Variants in PARP4 observed in about 807,000 individuals in gnomAD.
PARP4 encodes the protein poly(ADP-ribose) polymerase family member 4, also known as protein mono-ADP-ribosyltransferase PARP4.
Under a neutral mutation model 187.7 loss-of-function variants are expected in PARP4, and 120 were observed. The ratio of observed to expected loss-of-function variants is 0.64; its 90% CI spans 0.55 to 0.74. The LOEUF (loss-of-function observed/expected upper bound fraction) is 0.74. Ranked by LOEUF, PARP4 falls within the 30% of genes least tolerant of loss-of-function variation. The probability of loss-of-function intolerance (pLI) is 0.00; values close to 1 mark genes in which losing one functional copy is unlikely to be tolerated. For missense variants in PARP4, 1,836 were observed against 2,070.5 expected (o/e 0.89, Z 2.20); for synonymous variants, 654 against 740.9 (o/e 0.88, Z 1.90).
intron 15 of PARP4, 70 bp downstream of exon 15, chr13:24,475,402 C>A: frequency 1.4e-6 from 2 of 1,400,876 alleles, no homozygotes; most frequent in South Asian, 1.2e-5. Flanking sequence ...GTTCATGCAA[C>A]TGCAATCAAA....
chr13:24,451,011 G>A (rs1453893930), intron 24 of PARP4, among the ~76,000 whole-genome samples: 1 of 152,198 alleles, frequency 6.6e-6, no homozygotes, highest in African/African-American at 2.4e-5. Context: ...AAAGTGCTGG[G>A]ACCACAGGAG....
chr13:24,456,379 T>C lies in PARP4; in HGVS notation c.2524A>G (p.Arg842Gly). Residue 842 changes from arginine to glycine, a missense_variant, in exon 21 of 34, where the codon AGA becomes GGA. Around this residue, in one of 8 missense-constraint regions of PARP4, gnomAD observed 1,147 missense variants for 1,214.2 expected, o/e 0.94. Coordinates refer to ENST00000381989, the MANE Select transcript of PARP4 (RefSeq NM_006437.4). ...TCTGGATGTTTTTCAACCCACATTC[T>C]TGGGAGATAGGCAGCAGACAAACCG... is the stretch of plus-strand genomic sequence containing the variant. ...HIGLSAAYLP[R>G]MWVEKHPEKE... The C allele has an allele frequency of 6.2e-7, 1 of 1,611,892 alleles. No homozygotes were observed.
chr13:24,452,962 T>C (rs1188729994), intron 23 of PARP4, among the ~76,000 whole-genome samples: 1 of 151,904 alleles, frequency 6.6e-6, no homozygotes, highest in Non-Finnish European at 1.5e-5. Flanking sequence ...TGAGATGGAG[T>C]CTCGCTCCAT....
chr13:24,493,599 G>T lies in PARP4; in HGVS notation c.876C>A (p.Asn292Lys). Residue 292 changes from asparagine (N) to lysine (K), a missense_variant, in exon 8 of 34, where the codon AAC becomes AAA. Physicochemically the swap from Asn to Lys is moderately conservative, Grantham distance 94. Transcript: ENST00000381989. ...TTTCAGCGACACACCAACTTACATC[G>T]TTGAGGCTAATCCTGTTCACTGGCT... is the stretch of plus-strand genomic sequence containing the variant. ...LLKPVNRISL[N>K]DVSKAEGILL... is the part of the protein sequence containing the mutation. 1 of 1,599,888 alleles carries T rather than the reference G, an allele frequency of 6.3e-7. No homozygotes were observed. The highest frequency in any genetic ancestry group is 8.5e-7 in the Non-Finnish European group (1 of 1,176,610).
At chr13:24,478,375 C>T (rs1377310824) in intron 12 of PARP4, 99 bp from the exon 13 acceptor site, 1 of 694,722 alleles carries the variant, frequency 1.4e-6, no homozygotes. Context: ...TCTAAATTTT[C>T]CTATTATTGA....
At chr13:24,506,004 A>T (rs1003191723) in intron 1 of PARP4, among the ~76,000 whole-genome samples, 1 of 151,590 alleles carries the variant, frequency 6.6e-6, no homozygotes, top group Non-Finnish European at 1.5e-5. Context: ...TTCACCTCCC[A>T]CTCCTACAGG....
chr13:24,483,128 T>C (rs1566012904), intron 12 of PARP4, among the ~76,000 whole-genome samples: 1 of 152,106 alleles, frequency 6.6e-6, no homozygotes, highest in Non-Finnish European at 1.5e-5. Context: ...CAAGCAGTCC[T>C]CCTGCCTCAG....
rs745575943 is a variant in PARP4, at chr13:24,435,434, G to C, written c.3707C>G (p.Ser1236Cys). 6 of 1,608,836 alleles carry C rather than the reference G, an allele frequency of 3.7e-6. No homozygotes were observed. In the South Asian group the frequency reaches 5.5e-5, roughly 15 times the overall value. Reference protein sequence around the residue: ...ASSEWPELRLSKRKHRKIPFS... With the variant: ...ASSEWPELRLCKRKHRKIPFS... ...TGGAATTTTCCTATGTTTTCGTTTG[G>C]ATAAACGTAATTCTGGCCACTCAGA... is the stretch of plus-strand genomic sequence containing the variant. The change falls in exon 31 of 34, where the codon TCC becomes TGC. Residue 1236 changes from serine (S) to cysteine (C), a missense_variant. Ser to Cys is a moderately radical substitution (Grantham distance 112, BLOSUM62 -1). Transcript: ENST00000381989.
chr13:24,498,133 G>A lies in PARP4; in HGVS notation c.574C>T (p.Leu192=), dbSNP rs765677515. ...AGCATTACCTCCATGCCATCATCCAGGAGGAAGTGTGAGGATATCAGGAAA... is the reference window on the plus strand; with the variant it reads ...AGCATTACCTCCATGCCATCATCCAAGAGGAAGTGTGAGGATATCAGGAAA... ...CPFLISSHFL[L]DDGMETRRQF... The change falls in exon 6 of 34, where the codon CTG becomes TTG. Residue 192 remains leucine, a synonymous_variant. Coordinates refer to ENST00000381989, the MANE Select transcript of PARP4 (RefSeq NM_006437.4). 1.2e-6 allele frequency: 2 copies of A among 1,611,486 alleles called. No homozygotes were observed. Among genetic ancestry groups the A allele is most frequent in the East Asian group, 2.2e-5 (1 of 44,862 alleles).
Position 24,447,097 on chromosome 13 carries a change from G to T in PARP4, c.3204C>A (p.Ala1068=), listed in dbSNP as rs748310142. 6.9e-5 allele frequency: 112 copies of T among 1,612,884 alleles called. No homozygotes were observed. Among genetic ancestry groups the T allele is most frequent in the Non-Finnish European group, 9.2e-5 (109 of 1,179,284 alleles). ...ACGGCACCTGGGCTGGGGCCTGCAG[G>T]GCCTCGGGCACATCTGGATTGAGTT... ...WQQLNPDVPE[A]LQAPAQVPSL... The change falls in exon 26 of 34, where the codon GCC becomes GCA. Residue 1068 remains alanine, a synonymous_variant. Coordinates refer to ENST00000381989, the MANE Select transcript of PARP4 (RefSeq NM_006437.4).
intron 1 of PARP4, among the ~76,000 whole-genome samples, chr13:24,509,503 C>CAA (rs753520993): frequency 5.5e-4 from 59 of 107,540 alleles, no homozygotes; most frequent in African/African-American, 2.1e-3. Flanking sequence ...GACCCTATCT[C>CAA]AAAAAAAAAA....
At chr13:24,472,565 T>C (rs1161464449) in intron 15 of PARP4, among the ~76,000 whole-genome samples, 2 of 152,178 alleles carry the variant, frequency 1.3e-5, no homozygotes, top group East Asian at 3.9e-4. Context: ...TTCAATGCAA[T>C]CTTCAGAGTC....
intron 9 of PARP4, 72 bp from the exon 10 acceptor site, chr13:24,490,900 C>A: frequency 7.6e-7 from 1 of 1,316,308 alleles, no homozygotes; most frequent in South Asian, 1.3e-5. Context: ...CACATTAACA[C>A]TTTCTCAAAA....
At chr13:24,489,368 G>A (rs539444461) in intron 10 of PARP4, among the ~76,000 whole-genome samples, 1 of 152,292 alleles carries the variant, frequency 6.6e-6, no homozygotes, top group Admixed American at 6.5e-5. Context: ...CCAGCACTTT[G>A]GGAGGCCGAG....
At chr13:24,457,793 A>AAAAAAAAAAAAAAAAAAAG (rs1566000254) in intron 20 of PARP4, among the ~76,000 whole-genome samples, 1 of 148,512 alleles carries the variant, frequency 6.7e-6, no homozygotes, top group African/African-American at 2.5e-5. Flanking sequence ...AAAAAAAAAA[A>AAAAAAAAAAAAAAAAAAAG]AAAGAAAAAA....
In PARP4 at chr13:24,426,496, A is replaced by G; in HGVS notation, c.4949T>C (p.Leu1650Pro). 1 of 1,611,894 alleles carries G rather than the reference A, an allele frequency of 6.2e-7. No individual in the cohort carries two copies. Among genetic ancestry groups the G allele is most frequent in the Non-Finnish European group, 8.5e-7 (1 of 1,178,802 alleles). Residue 1650 changes from leucine (L) to proline (P), a missense_variant, in exon 33 of 34, where the codon CTG becomes CCG. Physicochemically the swap from Leu to Pro is moderately conservative, Grantham distance 98. This residue lies in a region of PARP4 where 45 missense variants were observed against 53.1 expected (regional missense o/e 0.85). Coordinates refer to ENST00000381989, the MANE Select transcript of PARP4 (RefSeq NM_006437.4). ...LEKEGIVFKS[L>P]MKMDDASISR... is the part of the protein sequence containing the mutation. The stretch of plus-strand genomic sequence containing the variant: ...AATAGAAGCGTCATCCATTTTCATC[A>G]GTGATTTGAACACTATTCCCTCTTT...
At position 24,441,898 on chromosome 13, in the gene PARP4, A is replaced by G. The variant is rs1386578839; in HGVS notation, c.3614T>C (p.Phe1205Ser). 13 of 1,609,994 alleles carry G rather than the reference A, an allele frequency of 8.1e-6. No homozygotes were observed. In the Admixed American group the frequency reaches 1.9e-4, roughly 23 times the overall value. Residue 1205 changes from phenylalanine (F) to serine (S), a missense_variant, in exon 30 of 34, where the codon TTC becomes TCC. By Grantham distance (155) the Phe-to-Ser change is radical. Coordinates refer to ENST00000381989, the MANE Select transcript of PARP4 (RefSeq NM_006437.4). ...SELIAKEDVD[F>S]LPYMSWQGEP... The stretch of plus-strand genomic sequence containing the variant: ...CCCCTGCCAGCTCATGTAGGGCAGG[A>G]AGTCTACATCTTCTTTGGCAATAAG...
chr13:24,449,447 T>G (rs2137465411), intron 25 of PARP4, among the ~76,000 whole-genome samples: 1 of 151,342 alleles, frequency 6.6e-6, no homozygotes, highest in Admixed American at 6.6e-5. Context: ...GGAAACAATT[T>G]CAGCAAAACA....
intron 6 of PARP4, among the ~76,000 whole-genome samples, chr13:24,497,155 T>C (rs1869002444): frequency 6.6e-6 from 1 of 152,164 alleles, no homozygotes; most frequent in Non-Finnish European, 1.5e-5. Context: ...TTCATGATTG[T>C]TTTAGATTGG....
Sources: allele counts gnomAD v4.1 joint callset (sites outside exome capture counted in the v4.1 genomes callset), GRCh38; gene constraint gnomAD v4.1.1; regional missense constraint gnomAD v4.1.1; transcripts MANE v1.5; gene names NCBI Gene and HGNC (gene_info 2026-07-23, HGNC 2026-07-21).